CHRM3: variants seen among roughly 807,000 people sequenced by gnomAD.
CHRM3 encodes cholinergic receptor muscarinic 3.
Under a neutral mutation model 41.8 loss-of-function variants are expected in CHRM3, and 11 were observed. That is an observed-to-expected ratio of 0.26 (90% CI 0.17 to 0.44). The LOEUF (loss-of-function observed/expected upper bound fraction) is 0.44. Ranked by LOEUF, CHRM3 falls within the 20% of genes least tolerant of loss-of-function variation. The probability of loss-of-function intolerance (pLI) is 1.00; values close to 1 mark genes in which losing one functional copy is unlikely to be tolerated. For missense variants in CHRM3, 571 were observed against 745.4 expected (o/e 0.77, Z 2.72); for synonymous variants, 297 against 301.4 (o/e 0.99, Z 0.15).
chr1:239,653,601 A>G (rs989092146), intron 4 of CHRM3, among the ~76,000 whole-genome samples: 1 of 152,182 alleles, frequency 6.6e-6, no homozygotes, highest in Non-Finnish European at 1.5e-5. Flanking sequence ...TCTGTTTTTC[A>G]AAAACGGTCT....
chr1:239,456,748 G>A (rs1451671223), intron 1 of CHRM3, among the ~76,000 whole-genome samples: 1 of 152,166 alleles, frequency 6.6e-6, no homozygotes, highest in Non-Finnish European at 1.5e-5. Context: ...GGAAGAGAGT[G>A]TGGCCTGGCA....
At chr1:239,668,715 T>A (rs557021758) in intron 4 of CHRM3, among the ~76,000 whole-genome samples, 106 of 152,322 alleles carry the variant, frequency 7.0e-4, no homozygotes, top group Non-Finnish European at 1.3e-3. Flanking sequence ...AACTCATCCA[T>A]ACTGTGTTGG....
intron 1 of CHRM3, among the ~76,000 whole-genome samples, chr1:239,413,461 G>A (rs1661267676): frequency 6.6e-6 from 1 of 151,938 alleles, no homozygotes; most frequent in African/African-American, 2.4e-5. Context: ...GGCTAATTTT[G>A]TATTTTTGTA....
intron 6 of CHRM3, among the ~76,000 whole-genome samples, chr1:239,841,415 T>G (rs1360396529): frequency 6.6e-6 from 1 of 152,154 alleles, no homozygotes; most frequent in South Asian, 2.1e-4. Flanking sequence ...GGATTGACTG[T>G]AGAGTTTCAT....
At chr1:239,654,014 T>G (rs563866444) in intron 4 of CHRM3, among the ~76,000 whole-genome samples, 11 of 152,286 alleles carry the variant, frequency 7.2e-5, no homozygotes, top group Middle Eastern at 3.4e-3. Flanking sequence ...TAGGCTGGAG[T>G]GCAGTGGCAC....
intron 2 of CHRM3, among the ~76,000 whole-genome samples, chr1:239,536,152 T>A (rs1220358051): frequency 6.6e-6 from 1 of 152,192 alleles, no homozygotes; most frequent in African/African-American, 2.4e-5. Context: ...TTTATGTGGC[T>A]TATCTTCATG....
chr1:239,744,963 C>T (rs1172068903), intron 5 of CHRM3, among the ~76,000 whole-genome samples: 1 of 151,896 alleles, frequency 6.6e-6, no homozygotes, highest in East Asian at 1.9e-4. Flanking sequence ...AAGGGACTGG[C>T]TTAGTGCAAG....
chr1:239,770,693 T>A (rs1001192309), intron 5 of CHRM3, among the ~76,000 whole-genome samples: 5 of 152,186 alleles, frequency 3.3e-5, no homozygotes, highest in African/African-American at 1.2e-4. Context: ...CAGAGGGAAC[T>A]ATTAGACTTA....
In CHRM3 at chr1:239,908,903, C is replaced by T; in HGVS notation, c.1452C>T (p.Val484=). 6.2e-7 allele frequency: 1 copy of T among 1,614,058 alleles called. No homozygotes were observed. The highest frequency in any genetic ancestry group is 1.1e-5 in the South Asian group (1 of 91,060). Residue 484 remains valine (V), a synonymous_variant, in exon 7 of 7, where the codon GTC becomes GTT. Coordinates refer to ENST00000676153, the MANE Select transcript of CHRM3 (RefSeq NM_001375978.1). This position sits in a 1 kb window ranked among gnomAD's most constrained non-coding sequence, Gnocchi z 7.2. The part of the protein sequence containing the change: ...QITKRKRMSL[V]KEKKAAQTLS... The stretch of plus-strand genomic sequence containing the variant: ...CTAAGCGGAAAAGGATGTCCCTGGT[C>T]AAGGAGAAGAAAGCGGCCCAGACCC...
At chr1:239,392,942 C>T (rs1487066674) in intron 1 of CHRM3, among the ~76,000 whole-genome samples, 3 of 152,174 alleles carry the variant, frequency 2.0e-5, no homozygotes, top group East Asian at 1.9e-4. Flanking sequence ...GACATTCCAT[C>T]GAGCTAGCTC....
chr1:239,427,474 C>A (rs923449665), intron 1 of CHRM3, among the ~76,000 whole-genome samples: 4 of 151,974 alleles, frequency 2.6e-5, no homozygotes, highest in Admixed American at 1.3e-4. Flanking sequence ...CACTGCCAAC[C>A]CAGAGCCTAG....
chr1:239,527,220 C>T (rs1019257112), intron 2 of CHRM3, among the ~76,000 whole-genome samples: 7 of 152,138 alleles, frequency 4.6e-5, no homozygotes, highest in Non-Finnish European at 1.0e-4. Context: ...TGTATTTATC[C>T]CCAGTTTTTC....
chr1:239,684,781 A>AGAGAAAGAAAAGAGAAGAGAAG (rs1558452340), intron 5 of CHRM3, among the ~76,000 whole-genome samples: 7 of 151,710 alleles, frequency 4.6e-5, no homozygotes, highest in African/African-American at 1.5e-4. Flanking sequence ...AGAAAGAGAA[A>AGAGAAAGAAAAGAGAAGAGAAG]GAAAAGAGAA....
chr1:239,475,624 T>C (rs1374208843), intron 1 of CHRM3, among the ~76,000 whole-genome samples: 1 of 152,104 alleles, frequency 6.6e-6, no homozygotes, highest in Non-Finnish European at 1.5e-5. Flanking sequence ...GAATAAACAT[T>C]GGGCTTTAGT....
chr1:239,618,231 A>G (rs1667850713), intron 3 of CHRM3, among the ~76,000 whole-genome samples: 1 of 150,522 alleles, frequency 6.6e-6, no homozygotes, highest in Non-Finnish European at 1.5e-5. Context: ...ATGCTGTGAA[A>G]GAGATAGACA....
intron 3 of CHRM3, among the ~76,000 whole-genome samples, chr1:239,599,919 T>G (rs1273454287): frequency 1.3e-5 from 2 of 152,166 alleles, no homozygotes; most frequent in African/African-American, 4.8e-5. Flanking sequence ...TTGTGTTGGA[T>G]CATCCTAAGT....
At chr1:239,436,269 A>T (rs1663260822) in intron 1 of CHRM3, among the ~76,000 whole-genome samples, 1 of 152,222 alleles carries the variant, frequency 6.6e-6, no homozygotes, top group East Asian at 1.9e-4. Context: ...TGGGCTAGTC[A>T]AGTCACTTCT....
chr1:239,650,958 A>T (rs1172280980), intron 4 of CHRM3, among the ~76,000 whole-genome samples: 1 of 152,242 alleles, frequency 6.6e-6, no homozygotes, highest in East Asian at 1.9e-4. Flanking sequence ...ATATATGTAA[A>T]TATATGTAAA....
At chr1:239,404,859 A>G (rs1660473208) in intron 1 of CHRM3, among the ~76,000 whole-genome samples, 1 of 150,916 alleles carries the variant, frequency 6.6e-6, no homozygotes, top group African/African-American at 2.4e-5. Flanking sequence ...CTTGAGTTCT[A>G]TCAGGGAGCT....
Sources: allele counts gnomAD v4.1 joint callset (sites outside exome capture counted in the v4.1 genomes callset), GRCh38; gene constraint gnomAD v4.1.1; non-coding constraint Gnocchi (gnomAD v3.1); transcripts MANE v1.5; gene names NCBI Gene and HGNC (gene_info 2026-07-23, HGNC 2026-07-21).